CHD4: variants seen among roughly 807,000 people sequenced by gnomAD.
The protein encoded by CHD4 is ATP-dependent chromatin remodeler CHD4.
A neutral mutation model predicts 235.5 loss-of-function variants in CHD4; 35 were observed. That is an observed-to-expected ratio of 0.15 (90% CI 0.11 to 0.20). The LOEUF is 0.20. Ranked by LOEUF, CHD4 falls within the 10% of genes least tolerant of loss-of-function variation. The pLI, the probability that CHD4 is intolerant of heterozygous loss-of-function variation, is 1.00. For missense variants in CHD4, 1,329 were observed against 2,432.3 expected (o/e 0.55, Z 9.54); for synonymous variants, 900 against 850.2 (o/e 1.06, Z -1.02).
intron 37 of CHD4, chr12:6,573,509 G>T (rs986140711): frequency 3.2e-6 from 1 of 309,984 alleles, no homozygotes; most frequent in African/African-American, 2.2e-5. Context: ...ATACAAAAGC[G>T]ATAAAAACTC....
At chr12:6,585,964 G>A (rs1948284613) in intron 25 of CHD4, among the ~76,000 whole-genome samples, 1 of 151,978 alleles carries the variant, frequency 6.6e-6, no homozygotes, top group South Asian at 2.1e-4. Context: ...GCCGGGCATG[G>A]TGGTGCATAC....
At position 6,607,316 on chromosome 12, in the gene CHD4, G is replaced by A. The variant is rs1462977051; in HGVS notation, c.-95C>T. ...TCTCCTCACCCCGGAGCCGCCGCAG[G>A]TCGCGCTGGGTCCGGCTCGGTGTCA... On this transcript the variant is annotated 5_prime_UTR_variant, in exon 1 of 40. Coordinates refer to ENST00000544040, the MANE Select transcript of CHD4 (RefSeq NM_001273.5). The A allele has an allele frequency of 2.6e-5, 4 of 151,924 alleles. No individual in the cohort carries two copies. The highest frequency in any genetic ancestry group is 2.0e-4 in the Admixed American group (3 of 15,266). 9.4% of individuals were successfully genotyped at this position (151,924 alleles called of 1,614,324 possible). A position where few individuals can be genotyped will look rare whatever the true frequency, so the allele number is the denominator to read the frequency against.
Position 6,599,839 on chromosome 12 carries a change from G to A in CHD4, c.1416C>T (p.His472=). The stretch of plus-strand genomic sequence containing the variant: ...GAAGTGGGGGATTCAGGCAGTGGAT[G>A]TGGTAGGAAGAAGGACAGGTATCAC... ...LCCDTCPSSY[H]IHCLNPPLPE... Residue 472 remains histidine, a synonymous_variant, in exon 10 of 40, where the codon CAC becomes CAT. Coordinates refer to ENST00000544040, the MANE Select transcript of CHD4 (RefSeq NM_001273.5). The A allele has an allele frequency of 6.2e-7, 1 of 1,614,194 alleles. No homozygotes were observed. The highest frequency in any genetic ancestry group is 8.5e-7 in the Non-Finnish European group (1 of 1,180,036).
chr12:6,597,044 C>T (rs777228700), intron 12 of CHD4, among the ~76,000 whole-genome samples: 17 of 149,920 alleles, frequency 1.1e-4, no homozygotes, highest in Non-Finnish European at 2.4e-4. Context: ...AGGAGGTGAG[C>T]GGATCACAAG....
intron 22 of CHD4, among the ~76,000 whole-genome samples, chr12:6,589,196 T>C (rs190731845): frequency 6.6e-6 from 1 of 151,580 alleles, no homozygotes; most frequent in African/African-American, 2.4e-5. Context: ...AAAGAAAGAA[T>C]GTCAGAATAT....
At chr12:6,587,251 AGG>A in intron 25 of CHD4, 131 bp downstream of exon 25, 3 of 860,780 alleles carry the variant, frequency 3.5e-6, no homozygotes, top group Non-Finnish European at 5.4e-6. Flanking sequence ...TTGTTTTCAA[AGG>A]AAGAGGATCA....
chr12:6,570,823 A>G (rs1947952254), intron 39 of CHD4, 46 bp downstream of exon 39: 1 of 1,613,006 alleles, frequency 6.2e-7, no homozygotes, highest in South Asian at 1.1e-5. Context: ...CAAGCTCCAG[A>G]ATGGTTCTGC....
rs1353558889 is a variant in CHD4, at chr12:6,595,406, G to C, written c.2049C>G (p.Gly683=). 6.2e-7 allele frequency: 1 copy of C among 1,613,890 alleles called. No individual in the cohort carries two copies. Among genetic ancestry groups the C allele is most frequent in the Admixed American group, 1.7e-5 (1 of 60,004 alleles). ...NHRELMRGEE[G]RPGKKLKKVK... ...CCTTCTTGAGCTTCTTGCCTGGTCG[G>C]CCTTCCTCACCCCTCATTAACTCCC... Residue 683 remains glycine (G), a synonymous_variant, in exon 14 of 40, where the codon GGC becomes GGG. Transcript: ENST00000544040.
At chr12:6,606,002 C>A (rs1230420186) in intron 2 of CHD4, among the ~76,000 whole-genome samples, 2 of 152,196 alleles carry the variant, frequency 1.3e-5, no homozygotes, top group African/African-American at 2.4e-5. Flanking sequence ...CCAGGTAATG[C>A]CTGCCAGCCC....
chr12:6,582,424 C>A (rs1592265822), intron 29 of CHD4, 143 bp from the exon 30 acceptor site: 1 of 1,312,080 alleles, frequency 7.6e-7, no homozygotes, highest in East Asian at 2.3e-5. Context: ...GAAGGCTGAT[C>A]TCTAGACCCC....
In CHD4 at chr12:6,598,002, C is replaced by G. The variant is rs1364851454; in HGVS notation, c.1784G>C (p.Ser595Thr). Residue 595 changes from serine (S) to threonine (T), a missense_variant, in exon 12 of 40, where the codon AGC (serine) becomes ACC (threonine). By Grantham distance (58) the Ser-to-Thr change is moderately conservative. This residue lies in a region of CHD4 where 121 missense variants were observed against 177.8 expected (regional missense o/e 0.68). Coordinates refer to ENST00000544040, the MANE Select transcript of CHD4 (RefSeq NM_001273.5). ...AGGGTCCTTGTTCTTTCGCTTTCGG[C>G]TTTTCTCTTCATCACCACCAAAGTC... ...SGDFGGDEEK[S>T]RKRKNKDPKF... 6.2e-7 allele frequency: 1 copy of G among 1,614,240 alleles called. No individual in the cohort carries two copies. Among genetic ancestry groups the G allele is most frequent in the South Asian group, 1.1e-5 (1 of 91,082 alleles).
In CHD4 at chr12:6,596,055, C is replaced by A; in HGVS notation, c.1975G>T (p.Val659Leu). 6.2e-7 allele frequency: 1 copy of A among 1,613,988 alleles called. No homozygotes were observed. Among genetic ancestry groups the A allele is most frequent in the East Asian group, 2.2e-5 (1 of 44,862 alleles). ...AACAGGTCGTAATCCTGGATCTCCA[C>A]ATCCTCACTCTCCCAAGAAGCCTGA... ...YDQASWESEDVEIQDYDLFKQ... is the reference protein window; with the variant it reads ...YDQASWESEDLEIQDYDLFKQ... Residue 659 changes from valine to leucine, a missense_variant, in exon 13 of 40, where the codon GTG becomes TTG. Physicochemically the swap from Val to Leu is conservative, Grantham distance 32 (BLOSUM62 1). This residue lies in a region of CHD4 where 121 missense variants were observed against 177.8 expected (regional missense o/e 0.68). Transcript: ENST00000544040.
intron 15 of CHD4, among the ~76,000 whole-genome samples, chr12:6,594,208 C>T (rs965028936): frequency 6.6e-6 from 1 of 152,162 alleles, no homozygotes; most frequent in Non-Finnish European, 1.5e-5. Context: ...AACTGATACT[C>T]TATGGATCCA....
chr12:6,576,186 G>A (rs974128461), intron 37 of CHD4, among the ~76,000 whole-genome samples: 3 of 151,938 alleles, frequency 2.0e-5, no homozygotes, highest in African/African-American at 7.3e-5. Context: ...CTGAAACCCT[G>A]TCTCTACTAA....
Position 6,601,743 on chromosome 12 carries a change from G to C in CHD4, c.462C>G (p.Leu154=), listed in dbSNP as rs753074787. 2 of 1,614,150 alleles carry C rather than the reference G, an allele frequency of 1.2e-6. No individual in the cohort carries two copies. The highest frequency in any genetic ancestry group is 3.3e-5 in the Admixed American group (2 of 60,018). Residue 154 remains leucine, a synonymous_variant, in exon 5 of 40, where the codon CTC becomes CTG. Transcript: ENST00000544040. ...DSKEPKSSAQ[L]LEDWGMEDID... The stretch of plus-strand genomic sequence containing the variant: ...TGTCTTCCATGCCCCAGTCTTCCAG[G>C]AGCTGAGCAGATGATTTAGGCTCCT...
Position 6,593,067 on chromosome 12 carries a change from C to T in CHD4, c.2652+24G>A. 1 of 1,611,596 alleles carries T rather than the reference C, an allele frequency of 6.2e-7. No individual in the cohort carries two copies. The highest frequency in any genetic ancestry group is 8.5e-7 in the Non-Finnish European group (1 of 1,179,028). On this transcript the variant is annotated intron_variant, in intron 17 of 39. Coordinates refer to ENST00000544040, the MANE Select transcript of CHD4 (RefSeq NM_001273.5). This position sits in a 1 kb window ranked among gnomAD's most constrained non-coding sequence, Gnocchi z 4.9. Reference sequence around the variant, plus strand: ...TAGAAAAAACCCAAAGTGGGGGCTCCAACATCCCTCCCTCAGCCCTCACCT... The same window carrying T: ...TAGAAAAAACCCAAAGTGGGGGCTCTAACATCCCTCCCTCAGCCCTCACCT...
rs747311928 is a variant in CHD4 at position 6,578,908 on chromosome 12, T to G, written c.4919A>C (p.Asp1640Ala). 6.2e-7 allele frequency: 1 copy of G among 1,614,096 alleles called. No homozygotes were observed. The highest frequency in any genetic ancestry group is 2.2e-5 in the East Asian group (1 of 44,882). The change falls in exon 34 of 40, where the codon GAT becomes GCT. Residue 1640 changes from aspartate (D) to alanine (A), a missense_variant. Around this residue, in one of 26 missense-constraint regions of CHD4, gnomAD observed 219 missense variants for 219.3 expected, o/e 1.00. Transcript: ENST00000544040. ...TGACTTTTCCTCCACCTTCTCTACA[T>G]CAGCAGCACCTAGGGGAAGAAATGT... ...PMETEPKGAADVEKVEEKSAI... is the reference protein window; with the variant it reads ...PMETEPKGAAAVEKVEEKSAI...
At chr12:6,577,359 T>C (rs1462858402) in intron 37 of CHD4, among the ~76,000 whole-genome samples, 1 of 147,948 alleles carries the variant, frequency 6.8e-6, no homozygotes, top group African/African-American at 2.5e-5. Flanking sequence ...GACACAGAGG[T>C]TGTAGTGAGC....
Position 6,581,155 on chromosome 12 carries a change from G to A in CHD4, c.4798C>T (p.Pro1600Ser), listed in dbSNP as rs775280935. 2.5e-6 allele frequency: 4 copies of A among 1,613,970 alleles called. No individual in the cohort carries two copies. The highest frequency in any genetic ancestry group is 3.3e-5 in the Admixed American group (2 of 59,990). ...ACGACCTTTTCATCCTCTGAGGCAGGGGCAGGGGCCTGTGTACACTTCAAA... is the reference window on the plus strand; with the variant it reads ...ACGACCTTTTCATCCTCTGAGGCAGAGGCAGGGGCCTGTGTACACTTCAAA... ...TAIECTQAPA[P>S]ASEDEKVVVE... is the part of the protein sequence containing the mutation. Residue 1600 changes from proline (P) to serine (S), a missense_variant, in exon 33 of 40, where the codon CCT (proline) becomes TCT (serine). By Grantham distance (74) the Pro-to-Ser change is moderately conservative (BLOSUM62 -1). Transcript: ENST00000544040.
Sources: allele counts gnomAD v4.1 joint callset (sites outside exome capture counted in the v4.1 genomes callset), GRCh38; gene constraint gnomAD v4.1.1; regional missense constraint gnomAD v4.1.1; non-coding constraint Gnocchi (gnomAD v3.1); transcripts MANE v1.5; gene names NCBI Gene and HGNC (gene_info 2026-07-23, HGNC 2026-07-21).